The following KDM5A variants were observed in gnomAD, a reference collection of about 807,000 sequenced individuals.
The protein encoded by KDM5A is lysine-specific demethylase 5A.
In KDM5A, 42 loss-of-function variants were observed where a neutral mutation model predicts 193.5. The ratio of observed to expected loss-of-function variants is 0.22; its 90% confidence interval spans 0.17 to 0.28. KDM5A has a LOEUF of 0.28. KDM5A is among the 10% of genes least tolerant of loss of function. KDM5A has a pLI of 1.00. For missense variants in KDM5A, 1,692 were observed against 2,055.1 expected (o/e 0.82, Z 3.42); for synonymous variants, 796 against 718.1 (o/e 1.11, Z -1.73).
rs1428031189 is a variant in KDM5A, at chr12:281,064, G to C, written c.*4392C>G. ...AAGTTGCCACCAATGTAAATGACAG[G>C]GGTTAGGGTGGGTATGGGTGTGGGG... On this transcript the variant is annotated 3_prime_UTR_variant, in exon 28 of 28. Transcript: ENST00000399788. 1 of 232,762 alleles carries C rather than the reference G, an allele frequency of 4.3e-6. No individual in the cohort carries two copies. Among genetic ancestry groups the C allele is most frequent in the Non-Finnish European group, 8.5e-6 (1 of 117,876 alleles). 14.4% of individuals were successfully genotyped at this position (232,762 alleles called of 1,614,324 possible). A position where few individuals can be genotyped will look rare whatever the true frequency, so the allele number is the denominator to read the frequency against.
chr12:358,179 A>G (rs1334581347), intron 5 of KDM5A, among the ~76,000 whole-genome samples: 1 of 152,228 alleles, frequency 6.6e-6, no homozygotes. Context: ...TTGAATTAAG[A>G]TTAACCATAT....
At chr12:339,596 T>C (rs1296289167) in intron 10 of KDM5A, among the ~76,000 whole-genome samples, 1 of 152,228 alleles carries the variant, frequency 6.6e-6, no homozygotes, top group African/African-American at 2.4e-5. Flanking sequence ...AAGAGAAAAG[T>C]TTTAAACTTA....
chr12:308,883 A>G (rs1943546970), intron 22 of KDM5A, among the ~76,000 whole-genome samples: 1 of 152,190 alleles, frequency 6.6e-6, no homozygotes, highest in African/African-American at 2.4e-5. Flanking sequence ...ATCTTAACAC[A>G]TTCCTCCTAT....
chr12:381,195 T>C (rs1944569081), intron 3 of KDM5A, among the ~76,000 whole-genome samples: 1 of 152,072 alleles, frequency 6.6e-6, no homozygotes, highest in Non-Finnish European at 1.5e-5. Flanking sequence ...GGTTTCTCCA[T>C]GTTGGTTGGG....
chr12:344,706 A>G (rs1944048468), intron 10 of KDM5A, among the ~76,000 whole-genome samples: 1 of 152,174 alleles, frequency 6.6e-6, no homozygotes, highest in Non-Finnish European at 1.5e-5. Context: ...CTTTACAGAC[A>G]AGCAAATGCT....
At chr12:332,777 T>C (rs1020302342) in intron 12 of KDM5A, among the ~76,000 whole-genome samples, 4 of 152,174 alleles carry the variant, frequency 2.6e-5, no homozygotes, top group Non-Finnish European at 5.9e-5. Flanking sequence ...TTATTAGTTA[T>C]TAGGATAAGC....
Position 307,927 on chromosome 12 carries a change from T to C in KDM5A, c.3457A>G (p.Thr1153Ala). 1 of 1,614,204 alleles carries C rather than the reference T, an allele frequency of 6.2e-7. No homozygotes were observed. Among genetic ancestry groups the C allele is most frequent in the Non-Finnish European group, 8.5e-7 (1 of 1,180,036 alleles). Residue 1153 changes from threonine (T) to alanine (A), a missense_variant, in exon 23 of 28, where the codon ACA becomes GCA. This residue lies in a region of KDM5A where 965 missense variants were observed against 1,061.0 expected (regional missense o/e 0.91). Transcript: ENST00000399788. The surrounding 1 kb of genome is among the most constrained non-coding windows in gnomAD (Gnocchi z 4.3). ...SLRAANLAKM[T>A]MVDRIEEVKF... ...ACTTCTTCTATGCGGTCCACCATTG[T>C]CATCTTGGCTAGGTTGGCTGCTCTG...
chr12:375,563 C>T (rs1303280369), intron 3 of KDM5A, among the ~76,000 whole-genome samples: 3 of 152,242 alleles, frequency 2.0e-5, no homozygotes, highest in Non-Finnish European at 2.9e-5. Context: ...CTGAAGCCTT[C>T]TTCTCTCAAC....
At chr12:316,133 CAAG>C (rs1398164199) in intron 19 of KDM5A, among the ~76,000 whole-genome samples, 4 of 152,284 alleles carry the variant, frequency 2.6e-5, no homozygotes, top group Non-Finnish European at 5.9e-5. Flanking sequence ...ACTAAGAGAT[CAAG>C]AAGATTAAGG....
In KDM5A at chr12:318,474, A is replaced by G. The variant is rs577016513; in HGVS notation, c.2542-13T>C. 1.3e-6 allele frequency: 2 copies of G among 1,589,862 alleles called. No individual in the cohort carries two copies. The highest frequency in any genetic ancestry group is 1.1e-5 in the South Asian group (1 of 90,564). On this transcript the variant is annotated splice_polypyrimidine_tract_variant and intron_variant, in intron 18 of 27. Coordinates refer to ENST00000399788, the MANE Select transcript of KDM5A (RefSeq NM_001042603.3). ...CATCTAGCAGATTCTGAAAAGGTCA[A>G]AAGAAATAAAAATCAGAAAAACAAA...
chr12:294,184 A>C (rs894184049), intron 26 of KDM5A, among the ~76,000 whole-genome samples: 15 of 151,858 alleles, frequency 9.9e-5, no homozygotes, highest in African/African-American at 3.6e-4. Flanking sequence ...GTGACAAAGC[A>C]AAAAAAATTG....
intron 6 of KDM5A, 73 bp from the exon 7 acceptor site, chr12:355,322 A>G: frequency 1.2e-6 from 1 of 815,716 alleles, no homozygotes; most frequent in Non-Finnish European, 2.2e-6. Flanking sequence ...ACACTATTTA[A>G]AATTATTTAA....
chr12:323,223 A>AAAG lies in KDM5A; in HGVS notation c.2151-18_2151-17insCTT. ...TAGCGATATCTACAAAAAAAAAAAA[A>AAAG]AAAAAAAAAAAAAAAAGAAAACAGA... On this transcript the variant is annotated splice_polypyrimidine_tract_variant and intron_variant, in intron 15 of 27. Transcript: ENST00000399788. 1 of 1,476,422 alleles carries AAAG rather than the reference A, an allele frequency of 6.8e-7. No individual in the cohort carries two copies. Among genetic ancestry groups the AAAG allele is most frequent in the Non-Finnish European group, 9.0e-7 (1 of 1,106,186 alleles). 91.5% of individuals were successfully genotyped at this position (1,476,422 alleles called of 1,614,324 possible). A position where few individuals can be genotyped will look rare whatever the true frequency, so the allele number is the denominator to read the frequency against.
chr12:298,530 G>A (rs1943402034), intron 24 of KDM5A, among the ~76,000 whole-genome samples: 1 of 152,088 alleles, frequency 6.6e-6, no homozygotes, highest in African/African-American at 2.4e-5. Flanking sequence ...TCCACTCAGA[G>A]ACTCCACCCA....
chr12:311,345 T>C (rs1943584295), intron 20 of KDM5A: 6 of 415,736 alleles, frequency 1.4e-5, no homozygotes, highest in South Asian at 6.6e-5. Flanking sequence ...CACAGACATA[T>C]ATAAACACAG....
chr12:304,541 A>T (rs1372264258), intron 24 of KDM5A, among the ~76,000 whole-genome samples: 1 of 151,544 alleles, frequency 6.6e-6, no homozygotes, highest in Non-Finnish European at 1.5e-5. Context: ...ACTGCAAAGT[A>T]AATTTGAACT....
chr12:309,819 C>T lies in KDM5A; in HGVS notation c.3362G>A (p.Arg1121Lys). The T allele has an allele frequency of 6.2e-7, 1 of 1,614,158 alleles. No individual in the cohort carries two copies. The highest frequency in any genetic ancestry group is 1.1e-5 in the South Asian group (1 of 91,084). ...SDLEEGLEET[R>K]DTAMVVAVFK... ...ATTTCTTACCACCATGGCTGTATCTCTGGTTTCCTCCAATCCTTCCTCCAG... is the reference window on the plus strand; with the variant it reads ...ATTTCTTACCACCATGGCTGTATCTTTGGTTTCCTCCAATCCTTCCTCCAG... The change falls in exon 22 of 28, where the codon AGA becomes AAA. Residue 1121 changes from arginine (R) to lysine (K), a missense_variant. By Grantham distance (26) the Arg-to-Lys change is conservative. Transcript: ENST00000399788.
chr12:283,018 A>T lies in KDM5A; in HGVS notation c.*2438T>A, dbSNP rs73604854. ...AAGTAAATACAGAAAATCCCACAGT[A>T]TCAACGAAAAGACATATTTAAGTTT... On this transcript the variant is annotated 3_prime_UTR_variant, in exon 28 of 28. Transcript: ENST00000399788. 6.5e-3 allele frequency: 1,514 copies of T among 231,702 alleles called. 16 individuals carry two copies. Among genetic ancestry groups the T allele is most frequent in the African/African-American group, 0.032 (1,431 of 45,394 alleles). 14.4% of individuals were successfully genotyped at this position (231,702 alleles called of 1,614,324 possible). A position where few individuals can be genotyped will look rare whatever the true frequency, so the allele number is the denominator to read the frequency against.
At chr12:379,222 C>CT (rs1056725145) in intron 3 of KDM5A, among the ~76,000 whole-genome samples, 5 of 151,804 alleles carry the variant, frequency 3.3e-5, no homozygotes, top group South Asian at 2.1e-4. Flanking sequence ...CAAAAATAAT[C>CT]TTTTTTTTAA....
Sources: allele counts gnomAD v4.1 joint callset (sites outside exome capture counted in the v4.1 genomes callset), GRCh38; gene constraint gnomAD v4.1.1; regional missense constraint gnomAD v4.1.1; non-coding constraint Gnocchi (gnomAD v3.1); transcripts MANE v1.5; gene names NCBI Gene and HGNC (gene_info 2026-07-23, HGNC 2026-07-21).